SSBP2: variants seen among roughly 807,000 people sequenced by gnomAD.
The protein encoded by SSBP2 is single stranded DNA binding protein 2.
A neutral mutation model predicts 61.8 loss-of-function variants in SSBP2; 17 were observed. That is an observed-to-expected ratio of 0.28 (90% CI 0.19 to 0.41). SSBP2 has a LOEUF of 0.41. SSBP2 is among the 10% of genes least tolerant of loss of function. The probability of loss-of-function intolerance (pLI) is 1.00; values close to 1 mark genes in which losing one functional copy is unlikely to be tolerated. For synonymous variants in SSBP2, 139 were observed against 141.3 expected (o/e 0.98, Z 0.12); for missense variants, 310 against 458.7 (o/e 0.68, Z 2.96).
At chr5:81,624,823 C>A (rs1433950078) in intron 3 of SSBP2, among the ~76,000 whole-genome samples, 1 of 151,938 alleles carries the variant, frequency 6.6e-6, no homozygotes, top group Non-Finnish European at 1.5e-5. Context: ...TTCTATAAAC[C>A]TTCATGAATA....
At chr5:81,527,573 G>A (rs141256294) in intron 4 of SSBP2, among the ~76,000 whole-genome samples, 1,902 of 152,082 alleles carry the variant, frequency 0.013, 21 homozygotes, top group Non-Finnish European at 0.017. Flanking sequence ...AACATTCAGC[G>A]AGAATATTTA....
rs1205157855 is a variant in SSBP2, at chr5:81,416,335, A to C, written c.*4169T>G. On this transcript the variant is annotated 3_prime_UTR_variant, in exon 17 of 17. Coordinates refer to ENST00000320672, the MANE Select transcript of SSBP2 (RefSeq NM_012446.5). ...GGCACTCCTTCGAATTAGCAGTGATAATCAAGAAATGAAAATTGCAATTAT... is the reference window on the plus strand; with the variant it reads ...GGCACTCCTTCGAATTAGCAGTGATCATCAAGAAATGAAAATTGCAATTAT... 6.6e-6 allele frequency: 1 copy of C among 152,270 alleles called. No individual in the cohort carries two copies. Among genetic ancestry groups the C allele is most frequent in the African/African-American group, 2.4e-5 (1 of 41,468 alleles). 9.4% of individuals were successfully genotyped at this position (152,270 alleles called of 1,614,324 possible). A position where few individuals can be genotyped will look rare whatever the true frequency, so the allele number is the denominator to read the frequency against.
rs202097554 is a variant in SSBP2, at chr5:81,428,227, A to AT, written c.1056+357dup. On this transcript the variant is annotated intron_variant, in intron 16 of 16. Coordinates refer to ENST00000320672, the MANE Select transcript of SSBP2 (RefSeq NM_012446.5). ...TATAAAGTAAGAACAGACTTTTTAG[A>AT]TTTTGAGGACAGCACTGAAACACAC... is the stretch of plus-strand genomic sequence containing the variant. Among the ~76,000 whole-genome samples, 256 of 152,318 alleles carry AT rather than the reference A, an allele frequency of 1.7e-3. 2 individuals carry two copies. Among genetic ancestry groups the AT allele is most frequent in the African/African-American group, 5.8e-3 (240 of 41,582 alleles).
chr5:81,681,836 C>CAA (rs1005422432), intron 1 of SSBP2, among the ~76,000 whole-genome samples: 4 of 151,638 alleles, frequency 2.6e-5, no homozygotes, highest in African/African-American at 9.7e-5. Context: ...AGCTAACTGA[C>CAA]AAAAAAAGAG....
At chr5:81,448,730 C>G (rs1228125043) in intron 11 of SSBP2, 60 bp downstream of exon 11, 2 of 1,526,670 alleles carry the variant, frequency 1.3e-6, no homozygotes, top group Admixed American at 3.4e-5. Context: ...ACAACTGTTT[C>G]ATTGCCCAAA....
Position 81,508,432 on chromosome 5 carries a change from C to A in SSBP2, c.372+5196G>T, listed in dbSNP as rs75327962. 7.1e-3 allele frequency among the ~76,000 whole-genome samples: 1,083 copies of A among 152,126 alleles called. 22 individuals are homozygous for A. Among genetic ancestry groups the A allele is most frequent in the African/African-American group, 0.025 (1,032 of 41,500 alleles). On this transcript the variant is annotated intron_variant, in intron 5 of 16. Coordinates refer to ENST00000320672, the MANE Select transcript of SSBP2 (RefSeq NM_012446.5). ...ATGGCTTTATTTTATTAAATTTATACCTCCTTTTGCATGTCCGACTAGTCT... is the reference window on the plus strand; with the variant it reads ...ATGGCTTTATTTTATTAAATTTATAACTCCTTTTGCATGTCCGACTAGTCT...
chr5:81,560,531 C>A (rs1370999305), intron 4 of SSBP2, among the ~76,000 whole-genome samples: 1 of 152,144 alleles, frequency 6.6e-6, no homozygotes, highest in Non-Finnish European at 1.5e-5. Context: ...TAGACAGACA[C>A]GGATAGAAAG....
intron 12 of SSBP2, chr5:81,443,147 C>T (rs894601743): frequency 6.6e-6 from 1 of 152,274 alleles, no homozygotes; most frequent in Non-Finnish European, 1.5e-5. Context: ...AGTCTTTTTA[C>T]TTAATAATTA....
chr5:81,487,042 G>A (rs1766438833), intron 6 of SSBP2, among the ~76,000 whole-genome samples: 1 of 152,174 alleles, frequency 6.6e-6, no homozygotes, highest in African/African-American at 2.4e-5. Flanking sequence ...AAGTAAATTA[G>A]TAATTTTAAC....
At chr5:81,704,795 CAAAAAAAAAAA>C (rs34376110) in intron 1 of SSBP2, among the ~76,000 whole-genome samples, 8 of 51,992 alleles carry the variant, frequency 1.5e-4, no homozygotes, top group African/African-American at 4.6e-4. Context: ...GATTCCATCT[CAAAAAAAAAAA>C]AAAAAAAAAA....
intron 6 of SSBP2, among the ~76,000 whole-genome samples, chr5:81,480,851 T>G (rs1207102597): frequency 1.3e-5 from 2 of 152,240 alleles, no homozygotes; most frequent in African/African-American, 4.8e-5. Flanking sequence ...TCTCAAACCT[T>G]GAAGCTGTTT....
intron 1 of SSBP2, among the ~76,000 whole-genome samples, chr5:81,676,536 T>C (rs1752000479): frequency 6.6e-6 from 1 of 152,160 alleles, no homozygotes; most frequent in South Asian, 2.1e-4. Flanking sequence ...GTCCCCCAAA[T>C]GAACAGCATC....
At chr5:81,743,549 A>T (rs1757168715) in intron 1 of SSBP2, among the ~76,000 whole-genome samples, 1 of 152,154 alleles carries the variant, frequency 6.6e-6, no homozygotes, top group Admixed American at 6.5e-5. Context: ...GACTCATTTT[A>T]TTCTCCCTAT....
chr5:81,658,899 C>G (rs1359563935), intron 1 of SSBP2, among the ~76,000 whole-genome samples: 2 of 152,200 alleles, frequency 1.3e-5, no homozygotes, highest in African/African-American at 4.8e-5. Flanking sequence ...ATCACATAAA[C>G]AGAACCAATG....
chr5:81,581,058 T>C (rs1032570418), intron 4 of SSBP2, among the ~76,000 whole-genome samples: 1 of 152,180 alleles, frequency 6.6e-6, no homozygotes, highest in African/African-American at 2.4e-5. Flanking sequence ...GCAGGTTTCA[T>C]AGGTCAAATA....
chr5:81,584,544 T>C (rs1024758412), intron 4 of SSBP2, among the ~76,000 whole-genome samples: 1 of 152,168 alleles, frequency 6.6e-6, no homozygotes, highest in Non-Finnish European at 1.5e-5. Context: ...CTCTCCAAGT[T>C]GTTCAGTGGT....
At chr5:81,710,318 C>T (rs1754684805) in intron 1 of SSBP2, among the ~76,000 whole-genome samples, 1 of 151,988 alleles carries the variant, frequency 6.6e-6, no homozygotes, top group Non-Finnish European at 1.5e-5. Context: ...ATGTTCTATC[C>T]TAATATAAAT....
intron 1 of SSBP2, among the ~76,000 whole-genome samples, chr5:81,704,333 T>C (rs1019166499): frequency 6.6e-6 from 1 of 152,172 alleles, no homozygotes; most frequent in Non-Finnish European, 1.5e-5. Context: ...CTGGCTCCCA[T>C]TTCTCTGACA....
intron 1 of SSBP2, among the ~76,000 whole-genome samples, chr5:81,683,092 TTAATC>T (rs1442904779): frequency 6.6e-6 from 1 of 152,162 alleles, no homozygotes; most frequent in Non-Finnish European, 1.5e-5. Context: ...TCTTTCCAAC[TTAATC>T]TATAGAGTCA....
Sources: gnomAD v4.1 joint callset for allele counts (sites outside exome capture counted in the v4.1 genomes callset) on GRCh38, gnomAD v4.1.1 for gene constraint, MANE v1.5 for transcripts, NCBI Gene and HGNC (gene_info 2026-07-23, HGNC 2026-07-21) for gene names.